Variants in GUCY2C observed in about 807,000 individuals in gnomAD.
The protein encoded by GUCY2C is guanylyl cyclase C.
A neutral mutation model predicts 131.1 loss-of-function variants in GUCY2C; 118 were observed. The ratio of observed to expected loss-of-function variants is 0.90; its 90% CI spans 0.78 to 1.05. GUCY2C has a LOEUF of 1.05. Ranked by LOEUF, GUCY2C falls within the 50% of genes least tolerant of loss-of-function variation. The probability of loss-of-function intolerance (pLI) is 0.00; values close to 1 mark genes in which losing one functional copy is unlikely to be tolerated. For missense variants in GUCY2C, 1,161 were observed against 1,304.4 expected (o/e 0.89, Z 1.69); for synonymous variants, 452 against 457.8 (o/e 0.99, Z 0.16).
chr12:14,656,393 C>G (rs1187614924), intron 12 of GUCY2C, 119 bp downstream of exon 12: 3 of 633,288 alleles, frequency 4.7e-6, no homozygotes, highest in Non-Finnish European at 8.7e-6. Context: ...TAGAAAGCAT[C>G]TAAGTCTTGC....
intron 19 of GUCY2C, among the ~76,000 whole-genome samples, chr12:14,638,544 A>G: frequency 6.6e-6 from 1 of 152,246 alleles, no homozygotes. Flanking sequence ...CATAAAAATA[A>G]TGAAATCATG....
At position 14,615,001 on chromosome 12, in the gene GUCY2C, C is replaced by T. The variant is rs556994031; in HGVS notation, c.2971-58G>A. Reference sequence around the variant, plus strand: ...TCCAAGGAGTCAGTTCAGTTGTAGACCACTGTTTCCATAATGATCTGTTTC... The same window carrying T: ...TCCAAGGAGTCAGTTCAGTTGTAGATCACTGTTTCCATAATGATCTGTTTC... On this transcript the variant is annotated intron_variant, in intron 25 of 26. Coordinates refer to ENST00000261170, the MANE Select transcript of GUCY2C (RefSeq NM_004963.4). 3.7e-5 allele frequency: 30 copies of T among 809,516 alleles called. No individual in the cohort carries two copies. The African/African-American group carries it at 4.1e-4, about 11-fold the overall frequency. 50.1% of individuals were successfully genotyped at this position (809,516 alleles called of 1,614,324 possible).
In GUCY2C at chr12:14,613,070, G is replaced by C. The variant is rs779848121; in HGVS notation, c.*47C>G. 5 of 1,475,222 alleles carry C rather than the reference G, an allele frequency of 3.4e-6. No individual in the cohort carries two copies. Among genetic ancestry groups the C allele is most frequent in the African/African-American group, 1.4e-5 (1 of 72,012 alleles). 91.4% of individuals were successfully genotyped at this position (1,475,222 alleles called of 1,614,324 possible). On this transcript the variant is annotated 3_prime_UTR_variant, in exon 27 of 27. Transcript: ENST00000261170. The surrounding 1 kb of genome is among the most constrained non-coding windows in gnomAD (Gnocchi z 4.9). Reference sequence around the variant, plus strand: ...CAGGACACTTGAGGTCGCTGCCTCAGTGCAGCTGTATTTTAATTTGTGTGA... The same window carrying C: ...CAGGACACTTGAGGTCGCTGCCTCACTGCAGCTGTATTTTAATTTGTGTGA...
intron 10 of GUCY2C, among the ~76,000 whole-genome samples, chr12:14,669,199 T>G (rs1425743581): frequency 6.9e-6 from 1 of 145,024 alleles, no homozygotes; most frequent in Non-Finnish European, 1.5e-5. Context: ...TCTTTCCTTT[T>G]TTTTCTTTTT....
intron 11 of GUCY2C, among the ~76,000 whole-genome samples, 197 bp downstream of exon 11, chr12:14,660,784 C>T (rs1172014175): frequency 1.3e-5 from 2 of 152,206 alleles, no homozygotes; most frequent in African/African-American, 4.8e-5. Flanking sequence ...GCATCTTTGG[C>T]TTCAAAGCCC....
Position 14,687,993 on chromosome 12 carries a change from C to T in GUCY2C, c.288G>A (p.Arg96=), listed in dbSNP as rs1156491219. The T allele has an allele frequency of 6.2e-7, 1 of 1,613,742 alleles. No homozygotes were observed. The highest frequency in any genetic ancestry group is 8.5e-7 in the Non-Finnish European group (1 of 1,179,768). ...GGTCGAGGCCTTCACAGGTGCTACT[C>T]CGGCAGTCGCCTGAGTTATGAATCA... ...DGLIHNSGDC[R]SSTCEGLDLL... is the part of the protein sequence containing the mutation. The change falls in exon 2 of 27, where the codon CGG becomes CGA. Residue 96 remains arginine, a synonymous_variant. Coordinates refer to ENST00000261170, the MANE Select transcript of GUCY2C (RefSeq NM_004963.4).
intron 12 of GUCY2C, among the ~76,000 whole-genome samples, chr12:14,654,844 T>C (rs1947731701): frequency 6.6e-6 from 1 of 152,164 alleles, no homozygotes; most frequent in Non-Finnish European, 1.5e-5. Flanking sequence ...CTCCTCTTCC[T>C]AGTGTTATAT....
intron 16 of GUCY2C, among the ~76,000 whole-genome samples, chr12:14,644,509 T>G (rs138989732): frequency 0.014 from 2,063 of 152,312 alleles, 26 homozygotes; most frequent in Non-Finnish European, 0.019. Context: ...TCATAACACA[T>G]TTTTCAAACT....
intron 5 of GUCY2C, 128 bp from the exon 6 acceptor site, chr12:14,679,881 T>G: frequency 1.9e-6 from 1 of 526,338 alleles, no homozygotes; most frequent in East Asian, 3.1e-5. Flanking sequence ...CTCCAATTCC[T>G]TAAATTCCTC....
intron 10 of GUCY2C, 48 bp downstream of exon 10, chr12:14,669,673 TA>T (rs754648750): frequency 6.5e-6 from 6 of 927,020 alleles, no homozygotes; most frequent in Non-Finnish European, 8.6e-6. Context: ...TTACTTTTCT[TA>T]CCAGGAAAAC....
rs1948347006 is a variant in GUCY2C, at chr12:14,681,465, A to G, written c.624T>C (p.Ala208=). ...AGAAATAGGAAACGCTAGCCTCCAG[A>G]GCATTAAGGTACCTGGAATAGGAAA... ...ETEDCFWYLN[A]LEASVSYFSH... is the part of the protein sequence containing the mutation. Residue 208 remains alanine (A), a synonymous_variant, in exon 5 of 27, where the codon GCT becomes GCC. Transcript: ENST00000261170. The G allele has an allele frequency of 6.3e-7, 1 of 1,595,678 alleles. No individual in the cohort carries two copies. Among genetic ancestry groups the G allele is most frequent in the South Asian group, 1.1e-5 (1 of 89,910 alleles).
chr12:14,643,457 T>C, intron 17 of GUCY2C, 117 bp downstream of exon 17: 5 of 829,276 alleles, frequency 6.0e-6, no homozygotes, highest in Non-Finnish European at 9.7e-6. Flanking sequence ...CCAGCTGTTG[T>C]CTCTTGTGGC....
rs553414603 is a variant in GUCY2C at position 14,651,852 on chromosome 12, T to C, written c.1605+107A>G. 4 of 652,230 alleles carry C rather than the reference T, an allele frequency of 6.1e-6. No individual in the cohort carries two copies. In the South Asian group the frequency reaches 8.3e-5, roughly 13 times the overall value. 40.4% of individuals were successfully genotyped at this position (652,230 alleles called of 1,614,324 possible). ...CAACAAGAAATATAGTCACCATTTCTTGGCCTGAGGGCTTTTCTGTCAGCC... is the reference window on the plus strand; with the variant it reads ...CAACAAGAAATATAGTCACCATTTCCTGGCCTGAGGGCTTTTCTGTCAGCC... On this transcript the variant is annotated intron_variant, in intron 14 of 26. Transcript: ENST00000261170.
chr12:14,665,758 G>A (rs904414843), intron 10 of GUCY2C: 3 of 152,196 alleles, frequency 2.0e-5, no homozygotes, highest in Non-Finnish European at 4.4e-5. Flanking sequence ...AAAGAACAGG[G>A]ATGGTGTAAT....
intron 10 of GUCY2C, among the ~76,000 whole-genome samples, chr12:14,668,296 G>A (rs558897935): frequency 6.6e-6 from 1 of 152,220 alleles, no homozygotes; most frequent in East Asian, 1.9e-4. Context: ...TCAGCCTCCT[G>A]AGTAGCTAGG....
intron 3 of GUCY2C, among the ~76,000 whole-genome samples, chr12:14,684,593 C>G (rs1347186945): frequency 7.0e-4 from 1 of 1,436 alleles, no homozygotes; most frequent in Non-Finnish European, 4.4e-3. Flanking sequence ...TCCTTCCTTC[C>G]TTCCTTCCTT....
chr12:14,616,803 A>G (rs556470337), intron 24 of GUCY2C, 76 bp from the exon 25 acceptor site: 122 of 812,024 alleles, frequency 1.5e-4, no homozygotes, highest in South Asian at 9.9e-4. Context: ...CAGGATATCA[A>G]CAACACCTGA....
chr12:14,651,521 C>T lies in GUCY2C; in HGVS notation c.1606-10G>A, dbSNP rs769585061. On this transcript the variant is annotated splice_polypyrimidine_tract_variant and intron_variant, in intron 14 of 26. Transcript: ENST00000261170. The stretch of plus-strand genomic sequence containing the variant: ...AGTCAATCTGAAGCAACTAGAAGAA[C>T]GTGTTTGTTTACAAAGCAAATTAGG... 5 of 1,491,682 alleles carry T rather than the reference C, an allele frequency of 3.4e-6. No homozygotes were observed. The South Asian group carries it at 3.5e-5, about 10-fold the overall frequency. 92.4% of individuals were successfully genotyped at this position (1,491,682 alleles called of 1,614,324 possible).
chr12:14,626,837 G>A (rs1029141849), intron 20 of GUCY2C, among the ~76,000 whole-genome samples: 4 of 152,086 alleles, frequency 2.6e-5, no homozygotes, highest in Non-Finnish European at 4.4e-5. Flanking sequence ...AACAGGTGAC[G>A]TTTTACTTTC....
Sources: allele counts gnomAD v4.1 joint callset (sites outside exome capture counted in the v4.1 genomes callset), GRCh38; gene constraint gnomAD v4.1.1; non-coding constraint Gnocchi (gnomAD v3.1); transcripts MANE v1.5; gene names NCBI Gene and HGNC (gene_info 2026-07-23, HGNC 2026-07-21).